The following LDLRAD3 variants were observed in gnomAD, a reference collection of about 807,000 sequenced individuals.
The protein encoded by LDLRAD3 is low-density lipoprotein receptor class A domain-containing protein 3.
Under a neutral mutation model 29.4 loss-of-function variants are expected in LDLRAD3, and 20 were observed. The observed-to-expected ratio is 0.68, with a 90% CI of 0.48 to 0.99. The LOEUF is 0.99. Ranked by LOEUF, LDLRAD3 falls within the 50% of genes least tolerant of loss-of-function variation. The pLI is 0.00. For synonymous variants in LDLRAD3, 157 were observed against 192.7 expected (o/e 0.81, Z 1.53); for missense variants, 420 against 454.3 (o/e 0.92, Z 0.69).
chr11:36,191,451 G>A (rs1031732324), intron 4 of LDLRAD3, among the ~76,000 whole-genome samples: 3 of 151,330 alleles, frequency 2.0e-5, no homozygotes, highest in African/African-American at 7.3e-5. Flanking sequence ...GCTGAGATTG[G>A]AGGATTGCTT....
intron 4 of LDLRAD3, among the ~76,000 whole-genome samples, chr11:36,226,578 A>C (rs933936706): frequency 1.3e-5 from 2 of 152,252 alleles, no homozygotes; most frequent in Non-Finnish European, 1.5e-5. Flanking sequence ...TTTACAGTTC[A>C]GTGATTTTGC....
chr11:35,950,813 G>A (rs769246218), intron 1 of LDLRAD3, among the ~76,000 whole-genome samples: 19 of 152,328 alleles, frequency 1.2e-4, no homozygotes, highest in Non-Finnish European at 2.5e-4. Flanking sequence ...GCCAGGAGCA[G>A]TGACTCATGC....
intron 1 of LDLRAD3, among the ~76,000 whole-genome samples, chr11:36,016,920 A>T (rs916842560): frequency 9.9e-5 from 15 of 152,248 alleles, no homozygotes; most frequent in Admixed American, 9.8e-4. Context: ...ATAGGAGGGG[A>T]CCTCAGAAAG....
At chr11:35,958,024 T>C (rs1349494880) in intron 1 of LDLRAD3, among the ~76,000 whole-genome samples, 1 of 152,036 alleles carries the variant, frequency 6.6e-6, no homozygotes, top group African/African-American at 2.4e-5. Flanking sequence ...TTTATAGTGG[T>C]GAAACACTGG....
rs753290440 is a variant in LDLRAD3, at chr11:36,230,585, C to G, written c.*1188C>G. On this transcript the variant is annotated 3_prime_UTR_variant, in exon 6 of 6. Coordinates refer to ENST00000315571, the MANE Select transcript of LDLRAD3 (RefSeq NM_174902.4). ...TCCCAACATCCCAGTAGTTTCTCCT[C>G]TGAGACACATGGGCAAGAGACAATT... 6.5e-6 allele frequency: 1 copy of G among 152,682 alleles called. No individual in the cohort carries two copies. Among genetic ancestry groups the G allele is most frequent in the African/African-American group, 2.4e-5 (1 of 41,468 alleles). 9.5% of individuals were successfully genotyped at this position (152,682 alleles called of 1,614,324 possible).
At chr11:36,010,103 G>A (rs1851936166) in intron 1 of LDLRAD3, 1 of 154,388 alleles carries the variant, frequency 6.5e-6, no homozygotes, top group African/African-American at 2.4e-5. Context: ...TTGAAGCCCA[G>A]GGTAGCTCTC....
chr11:35,964,824 C>CA (rs549384383), intron 1 of LDLRAD3, among the ~76,000 whole-genome samples: 1 of 151,884 alleles, frequency 6.6e-6, no homozygotes, highest in Non-Finnish European at 1.5e-5. Context: ...CCTGTCTATA[C>CA]AAAAAATACA....
At chr11:36,227,803 G>C (rs1289211799) in intron 5 of LDLRAD3, among the ~76,000 whole-genome samples, 1 of 152,146 alleles carries the variant, frequency 6.6e-6, no homozygotes, top group Non-Finnish European at 1.5e-5. Flanking sequence ...TGTCACGCTG[G>C]TCCATGTTCT....
chr11:36,137,439 G>A (rs1854019892), intron 4 of LDLRAD3, among the ~76,000 whole-genome samples: 1 of 152,178 alleles, frequency 6.6e-6, no homozygotes, highest in Non-Finnish European at 1.5e-5. Context: ...CAGATCCTCT[G>A]CAATTTGGGA....
At chr11:36,031,367 A>G (rs568974823) in intron 1 of LDLRAD3, among the ~76,000 whole-genome samples, 49 of 152,272 alleles carry the variant, frequency 3.2e-4, no homozygotes, top group African/African-American at 1.0e-3. Context: ...ATTTACTTGT[A>G]CAAATCCAGA....
At chr11:35,950,115 A>G (rs191880457) in intron 1 of LDLRAD3, among the ~76,000 whole-genome samples, 104 of 152,220 alleles carry the variant, frequency 6.8e-4, no homozygotes, top group African/African-American at 2.3e-3. Context: ...CAAATGACCC[A>G]CTGATGGAAA....
chr11:36,168,646 C>T (rs1854552323), intron 4 of LDLRAD3, among the ~76,000 whole-genome samples: 2 of 151,954 alleles, frequency 1.3e-5, no homozygotes, highest in African/African-American at 2.4e-5. Context: ...GCAAGCAAAG[C>T]AGTAAATGTC....
intron 2 of LDLRAD3, among the ~76,000 whole-genome samples, chr11:36,037,008 C>T (rs1349856683): frequency 6.6e-6 from 1 of 152,186 alleles, no homozygotes; most frequent in Non-Finnish European, 1.5e-5. Flanking sequence ...CCCTGCCCTG[C>T]AGAGGTGTAT....
At chr11:36,138,350 AATAGATCAGT>A (rs1474859194) in intron 4 of LDLRAD3, among the ~76,000 whole-genome samples, 2 of 152,228 alleles carry the variant, frequency 1.3e-5, no homozygotes, top group Non-Finnish European at 2.9e-5. Context: ...ATGATGCGGG[AATAGATCAGT>A]TAGTTTTTAT....
At chr11:36,227,930 G>C (rs1855523270) in intron 5 of LDLRAD3, among the ~76,000 whole-genome samples, 1 of 152,210 alleles carries the variant, frequency 6.6e-6, no homozygotes, top group African/African-American at 2.4e-5. Flanking sequence ...ATGAATGAGA[G>C]AATCAGTGAG....
At chr11:35,951,416 C>T (rs897092181) in intron 1 of LDLRAD3, among the ~76,000 whole-genome samples, 1 of 152,186 alleles carries the variant, frequency 6.6e-6, no homozygotes, top group Non-Finnish European at 1.5e-5. Flanking sequence ...TGCGTCACAT[C>T]TGTCTCCTGT....
At chr11:36,219,323 A>G (rs1449495691) in intron 4 of LDLRAD3, among the ~76,000 whole-genome samples, 1 of 152,222 alleles carries the variant, frequency 6.6e-6, no homozygotes, top group Non-Finnish European at 1.5e-5. Flanking sequence ...TAAATAATGA[A>G]CATGGATTTT....
At chr11:36,069,608 C>G (rs1341497208) in intron 2 of LDLRAD3, among the ~76,000 whole-genome samples, 1 of 151,222 alleles carries the variant, frequency 6.6e-6, no homozygotes, top group Non-Finnish European at 1.5e-5. Context: ...GTAACTGGTT[C>G]ATAGCACATT....
intron 4 of LDLRAD3, among the ~76,000 whole-genome samples, chr11:36,210,524 C>T (rs1855269844): frequency 2.0e-5 from 3 of 151,820 alleles, no homozygotes; most frequent in Admixed American, 6.6e-5. Flanking sequence ...CTCCACAGCC[C>T]GAGACCCTGT....
Sources: gnomAD v4.1 joint callset for allele counts (sites outside exome capture counted in the v4.1 genomes callset) on GRCh38, gnomAD v4.1.1 for gene constraint, MANE v1.5 for transcripts, NCBI Gene and HGNC (gene_info 2026-07-23, HGNC 2026-07-21) for gene names.